Variants in CMC1 observed in about 807,000 individuals in gnomAD.
CMC1 encodes C-X9-C motif containing 1.
Under a neutral mutation model 14.1 loss-of-function variants are expected in CMC1, and 14 were observed. That is an observed-to-expected ratio of 0.99 (90% CI 0.66 to 1.55). CMC1 has a LOEUF of 1.55. Among genes scored for constraint, CMC1 ranks in the 40% most tolerant of loss-of-function variants. The probability of loss-of-function intolerance (pLI) is 0.00; values close to 1 mark genes in which losing one functional copy is unlikely to be tolerated. For missense variants in CMC1, 127 were observed against 123.8 expected, an observed-to-expected ratio of 1.03 and a Z score of -0.12; for synonymous variants, 50 against 38.4, an observed-to-expected ratio of 1.30 and a Z score of -1.12.
chr3:28,307,379 A>G (rs557821027), intron 2 of CMC1, among the ~76,000 whole-genome samples: 1 of 152,304 alleles, frequency 6.6e-6, no homozygotes, highest in Non-Finnish European at 1.5e-5. Flanking sequence ...AATAAAAAAA[A>G]TTAGCTAGGT....
At chr3:28,300,349 G>C (rs897778242) in intron 2 of CMC1, among the ~76,000 whole-genome samples, 1 of 152,056 alleles carries the variant, frequency 6.6e-6, no homozygotes, top group African/African-American at 2.4e-5. Flanking sequence ...AGAACAATTA[G>C]CATTTAATAA....
chr3:28,325,034 G>A lies in CMC1; in HGVS notation c.*5405G>A, dbSNP rs1367730106. ...GTTTTTATATATCAAAGGCTTTTAT[G>A]GATAAAGCAGTTTAAATAAAATTTG... On this transcript the variant is annotated 3_prime_UTR_variant, in exon 4 of 4. Coordinates refer to ENST00000466830, the MANE Select transcript of CMC1 (RefSeq NM_182523.2). 4 of 149,694 alleles carry A rather than the reference G, an allele frequency of 2.7e-5. No individual in the cohort carries two copies. Among genetic ancestry groups the A allele is most frequent in the Non-Finnish European group, 4.5e-5 (3 of 67,102 alleles). 9.3% of individuals were successfully genotyped at this position (149,694 alleles called of 1,614,324 possible).
At chr3:28,299,149 A>C (rs1203430596) in intron 2 of CMC1, among the ~76,000 whole-genome samples, 1 of 152,120 alleles carries the variant, frequency 6.6e-6, no homozygotes, top group Non-Finnish European at 1.5e-5. Context: ...CAAATTAATC[A>C]GATTCTGCCA....
At position 28,285,865 on chromosome 3, in the gene CMC1, C is replaced by T. The variant is rs576478260; in HGVS notation, c.109+22485C>T. ...CACTGCAAGCTCTGCCTCCTGGGTTCACGCCATTCTCCTGCTTCAGCCTCC... is the reference window on the plus strand; with the variant it reads ...CACTGCAAGCTCTGCCTCCTGGGTTTACGCCATTCTCCTGCTTCAGCCTCC... On this transcript the variant is annotated intron_variant, in intron 2 of 3. Coordinates refer to ENST00000466830, the MANE Select transcript of CMC1 (RefSeq NM_182523.2). Among the ~76,000 whole-genome samples, 3 of 151,046 alleles carry T rather than the reference C, an allele frequency of 2.0e-5. No homozygotes were observed. In the East Asian group the frequency reaches 5.9e-4, roughly 30 times the overall value.
At chr3:28,292,241 G>T (rs190716353) in intron 2 of CMC1, among the ~76,000 whole-genome samples, 34 of 152,114 alleles carry the variant, frequency 2.2e-4, no homozygotes, top group Admixed American at 1.8e-3. Flanking sequence ...GGGGCAGCTA[G>T]CCAATTTTTG....
At chr3:28,304,902 T>C (rs1028126500) in intron 2 of CMC1, among the ~76,000 whole-genome samples, 1 of 152,176 alleles carries the variant, frequency 6.6e-6, no homozygotes, top group Non-Finnish European at 1.5e-5. Flanking sequence ...ATAGCTCTAA[T>C]AGGTTCTAGT....
intron 2 of CMC1, among the ~76,000 whole-genome samples, chr3:28,265,813 A>AT (rs769891495): frequency 6.6e-6 from 1 of 152,232 alleles, no homozygotes; most frequent in Non-Finnish European, 1.5e-5. Context: ...AACAAGGAGC[A>AT]TTTAACTAAG....
chr3:28,305,197 C>T (rs558078151), intron 2 of CMC1, among the ~76,000 whole-genome samples: 1 of 152,294 alleles, frequency 6.6e-6, no homozygotes, highest in East Asian at 1.9e-4. Flanking sequence ...TTGTCTATTT[C>T]TCTGTTAATC....
chr3:28,285,021 T>C (rs2125531174), intron 2 of CMC1, among the ~76,000 whole-genome samples: 1 of 152,322 alleles, frequency 6.6e-6, no homozygotes, highest in South Asian at 2.1e-4. Context: ...AGTGCATTCT[T>C]TGATGTTTCA....
chr3:28,261,635 C>T, intron 1 of CMC1, among the ~76,000 whole-genome samples: 1 of 152,100 alleles, frequency 6.6e-6, no homozygotes, highest in East Asian at 1.9e-4. Flanking sequence ...TTTGAGTCTT[C>T]CCAGATCAGG....
chr3:28,309,172 G>C (rs1702495768), intron 2 of CMC1, among the ~76,000 whole-genome samples: 1 of 151,880 alleles, frequency 6.6e-6, no homozygotes. Context: ...GTTGTCCAGG[G>C]CCTCTTTTCA....
intron 2 of CMC1, among the ~76,000 whole-genome samples, chr3:28,310,370 A>C (rs1702577704): frequency 6.6e-6 from 1 of 152,208 alleles, no homozygotes; most frequent in Non-Finnish European, 1.5e-5. Context: ...TACTTTGAAA[A>C]TGTTTGTTGA....
chr3:28,288,012 A>G (rs1439294587), intron 2 of CMC1, among the ~76,000 whole-genome samples: 4 of 152,020 alleles, frequency 2.6e-5, no homozygotes, highest in Admixed American at 1.3e-4. Context: ...TACTAGCCAC[A>G]TTTCAAATGC....
chr3:28,308,958 G>A (rs908612530), intron 2 of CMC1, among the ~76,000 whole-genome samples: 12 of 149,278 alleles, frequency 8.0e-5, no homozygotes, highest in African/African-American at 3.0e-4. Context: ...ACTCCAGCCC[G>A]GCGACGGAGC....
rs1703197121 is a variant in CMC1 at position 28,321,821 on chromosome 3, TTAGC to T, written c.*2195_*2198del. 6.6e-6 allele frequency: 1 copy of T among 151,342 alleles called. No individual in the cohort carries two copies. The highest frequency in any genetic ancestry group is 2.4e-5 in the African/African-American group (1 of 41,350). The allele number at this position is 151,342 out of a possible 1,614,324, so 9.4% of individuals were successfully genotyped here. A position where few individuals can be genotyped will look rare whatever the true frequency, so the allele number is the denominator to read the frequency against. On this transcript the variant is annotated 3_prime_UTR_variant, in exon 4 of 4. Transcript: ENST00000466830. ...AAGTCTTACAGATGTAAATTTTACT[TTAGC>T]TAATAAGGGAGCAAGAGGAAGGAAT...
At chr3:28,267,958 T>C (rs1305551169) in intron 2 of CMC1, among the ~76,000 whole-genome samples, 2 of 152,240 alleles carry the variant, frequency 1.3e-5, no homozygotes, top group Non-Finnish European at 2.9e-5. Flanking sequence ...TCTTATTACA[T>C]GTATTTTTGT....
chr3:28,243,351 C>A (rs538711187), intron 1 of CMC1, among the ~76,000 whole-genome samples: 28 of 152,288 alleles, frequency 1.8e-4, no homozygotes, highest in African/African-American at 6.7e-4. Flanking sequence ...CCACCGCACC[C>A]AGCCTAATTA....
At chr3:28,267,191 C>CATA (rs778234272) in intron 2 of CMC1, among the ~76,000 whole-genome samples, 62 of 152,142 alleles carry the variant, frequency 4.1e-4, no homozygotes, top group Non-Finnish European at 7.9e-4. Flanking sequence ...ATATTGTTTG[C>CATA]CGTATATAGG....
chr3:28,310,385 ATGAG>A (rs1159431677), intron 2 of CMC1, among the ~76,000 whole-genome samples: 1 of 152,240 alleles, frequency 6.6e-6, no homozygotes, highest in Non-Finnish European at 1.5e-5. Context: ...TGTTGAATGA[ATGAG>A]TGATATTTTA....
Sources: gnomAD v4.1 joint callset for allele counts (sites outside exome capture counted in the v4.1 genomes callset) on GRCh38, gnomAD v4.1.1 for gene constraint, MANE v1.5 for transcripts, NCBI Gene and HGNC (gene_info 2026-07-23, HGNC 2026-07-21) for gene names.